OTUD7A: variants seen among roughly 807,000 people sequenced by gnomAD.
The protein encoded by OTUD7A is OTU deubiquitinase 7A, also known as OTU domain-containing protein 7A.
Under a neutral mutation model 65.7 loss-of-function variants are expected in OTUD7A, and 12 were observed. The ratio of observed to expected loss-of-function variants is 0.18; its 90% confidence interval spans 0.12 to 0.30. The LOEUF is 0.30. OTUD7A is among the 10% of genes least tolerant of loss of function. The pLI is 1.00. For missense variants in OTUD7A, 1,148 were observed against 1,304.8 expected (o/e 0.88, Z 1.85); for synonymous variants, 641 against 586.3 (o/e 1.09, Z -1.35).
chr15:31,539,928 C>A (rs1330533995), intron 5 of OTUD7A, among the ~76,000 whole-genome samples: 1 of 152,184 alleles, frequency 6.6e-6, no homozygotes. Flanking sequence ...TATAGTCTTA[C>A]AATGGAGACA....
Position 31,477,735 on chromosome 15 carries a change from A to G in OTUD7A, c.*5559T>C, listed in dbSNP as rs1388277341. ...GGCACTGTTGTAGGCACCAGGATACAGCAATGAGCAAGACATATAAAAGTT... is the reference window on the plus strand; with the variant it reads ...GGCACTGTTGTAGGCACCAGGATACGGCAATGAGCAAGACATATAAAAGTT... On this transcript the variant is annotated 3_prime_UTR_variant, in exon 13 of 13. Coordinates refer to ENST00000307050, the MANE Select transcript of OTUD7A (RefSeq NM_001382637.1). The G allele has an allele frequency of 6.6e-6, 1 of 152,230 alleles. No individual in the cohort carries two copies. Among genetic ancestry groups the G allele is most frequent in the Non-Finnish European group, 1.5e-5 (1 of 68,050 alleles). The allele number at this position is 152,230 out of a possible 1,614,324, so 9.4% of individuals were successfully genotyped here. A position where few individuals can be genotyped will look rare whatever the true frequency, so the allele number is the denominator to read the frequency against.
At chr15:31,619,933 T>C (rs1890723690) in intron 3 of OTUD7A, among the ~76,000 whole-genome samples, 1 of 152,214 alleles carries the variant, frequency 6.6e-6, no homozygotes, top group South Asian at 2.1e-4. Flanking sequence ...TATTTCGAGA[T>C]ATGTCCCATC....
chr15:31,584,718 GAA>G (rs1889476561), intron 3 of OTUD7A, among the ~76,000 whole-genome samples: 2 of 152,318 alleles, frequency 1.3e-5, no homozygotes, highest in Admixed American at 1.3e-4. Context: ...CTTTGGATAT[GAA>G]AGTCTGGGTG....
At chr15:31,847,399 G>A (rs1485345245) in intron 1 of OTUD7A, among the ~76,000 whole-genome samples, 2 of 152,188 alleles carry the variant, frequency 1.3e-5, no homozygotes, top group Non-Finnish European at 2.9e-5. Context: ...AAGGACTAGT[G>A]ATGTTCCTTC....
chr15:31,593,848 T>G (rs902640742), intron 3 of OTUD7A, among the ~76,000 whole-genome samples: 1 of 152,176 alleles, frequency 6.6e-6, no homozygotes, highest in Non-Finnish European at 1.5e-5. Flanking sequence ...ATTCCCCCGA[T>G]GTGTAAGCAA....
At chr15:31,760,924 TTTTG>T (rs996507273) in intron 1 of OTUD7A, among the ~76,000 whole-genome samples, 53 of 152,090 alleles carry the variant, frequency 3.5e-4, no homozygotes, top group African/African-American at 1.3e-3. Flanking sequence ...TTTTGGGTTT[TTTTG>T]TTTTTTTGTT....
chr15:31,657,337 A>G (rs1892021014), intron 1 of OTUD7A, among the ~76,000 whole-genome samples: 1 of 151,742 alleles, frequency 6.6e-6, no homozygotes. Flanking sequence ...TGCACAGCAC[A>G]GAGCTGTTTT....
chr15:31,830,272 A>C (rs939462275), intron 1 of OTUD7A, among the ~76,000 whole-genome samples: 1 of 152,232 alleles, frequency 6.6e-6, no homozygotes, highest in Admixed American at 6.5e-5. Context: ...AAATCAATGA[A>C]GTGAGACCTC....
intron 3 of OTUD7A, among the ~76,000 whole-genome samples, chr15:31,654,632 T>C (rs1180621571): frequency 6.6e-6 from 1 of 152,196 alleles, no homozygotes. Flanking sequence ...AACTACACTT[T>C]CATTTTAGTT....
At chr15:31,789,496 T>C (rs1895757986) in intron 1 of OTUD7A, among the ~76,000 whole-genome samples, 1 of 152,208 alleles carries the variant, frequency 6.6e-6, no homozygotes, top group African/African-American at 2.4e-5. Context: ...TCCTCCACAA[T>C]TATGTTTCCC....
chr15:31,626,188 AC>A (rs1890945477), intron 3 of OTUD7A, among the ~76,000 whole-genome samples: 1 of 152,220 alleles, frequency 6.6e-6, no homozygotes, highest in Non-Finnish European at 1.5e-5. Flanking sequence ...CATAGATTTT[AC>A]CATAAAGAAC....
At chr15:31,579,468 C>G (rs1278757706) in intron 3 of OTUD7A, among the ~76,000 whole-genome samples, 4 of 152,140 alleles carry the variant, frequency 2.6e-5, no homozygotes, top group Non-Finnish European at 5.9e-5. Context: ...GAGATGGCCA[C>G]TTAGTGATGA....
rs71424623 is a variant in OTUD7A, at chr15:31,817,275, G to GCCCC, written c.-100+53228_-100+53231dup. 1.6e-3 allele frequency among the ~76,000 whole-genome samples: 232 copies of GCCCC among 143,620 alleles called. 1 individual carries two copies. The highest frequency in any genetic ancestry group is 5.7e-3 in the African/African-American group (220 of 38,620). 94.2% of individuals were successfully genotyped at this position (143,620 alleles called of 152,430 possible). On this transcript the variant is annotated intron_variant, in intron 1 of 12. Coordinates refer to ENST00000307050, the MANE Select transcript of OTUD7A (RefSeq NM_001382637.1). Reference sequence around the variant, plus strand: ...TGTATTACACCACCCTAGATCATTTGCCCCCCCCCATCACTCATGGCTTAT... The same window carrying GCCCC: ...TGTATTACACCACCCTAGATCATTTGCCCCCCCCCCCCCATCACTCATGGCTTAT...
intron 1 of OTUD7A, among the ~76,000 whole-genome samples, chr15:31,822,215 T>C (rs1035581889): frequency 6.6e-6 from 1 of 152,204 alleles, no homozygotes; most frequent in Admixed American, 6.5e-5. Flanking sequence ...TGCTCCCATG[T>C]GTATGAGGAA....
chr15:31,860,246 G>C (rs1228666380), intron 1 of OTUD7A, among the ~76,000 whole-genome samples: 1 of 152,084 alleles, frequency 6.6e-6, no homozygotes, highest in South Asian at 2.1e-4. Flanking sequence ...TAAATTATCT[G>C]GTTTTTGTTT....
intron 5 of OTUD7A, among the ~76,000 whole-genome samples, chr15:31,541,081 G>C (rs1315818444): frequency 6.6e-6 from 1 of 152,236 alleles, no homozygotes; most frequent in Admixed American, 6.5e-5. Context: ...TGCTTGAGAA[G>C]CACTGTCCAG....
intron 1 of OTUD7A, among the ~76,000 whole-genome samples, chr15:31,811,983 C>T (rs1355161656): frequency 2.0e-5 from 3 of 152,206 alleles, no homozygotes; most frequent in Admixed American, 6.5e-5. Context: ...ACTGAGGCTG[C>T]GGGAGGATGC....
At chr15:31,499,782 A>C (rs1387198119) in intron 10 of OTUD7A, among the ~76,000 whole-genome samples, 2 of 152,102 alleles carry the variant, frequency 1.3e-5, no homozygotes, top group Non-Finnish European at 2.9e-5. Flanking sequence ...ACTGTGAGGG[A>C]GCCAAAGACC....
intron 1 of OTUD7A, among the ~76,000 whole-genome samples, chr15:31,798,123 T>C (rs1235202689): frequency 1.3e-5 from 2 of 152,166 alleles, no homozygotes; most frequent in Non-Finnish European, 2.9e-5. Flanking sequence ...TTAAACATGA[T>C]TACCTCTTTA....
Sources: gnomAD v4.1 joint callset for allele counts (sites outside exome capture counted in the v4.1 genomes callset) on GRCh38, gnomAD v4.1.1 for gene constraint, MANE v1.5 for transcripts, NCBI Gene and HGNC (gene_info 2026-07-23, HGNC 2026-07-21) for gene names.